Variants in VPS13A observed in about 807,000 individuals in gnomAD.
VPS13A encodes intermembrane lipid transfer protein VPS13A.
A neutral mutation model predicts 390.9 loss-of-function variants in VPS13A; 264 were observed. That is an observed-to-expected ratio of 0.68 (90% CI 0.61 to 0.75). The LOEUF is 0.75. Ranked by LOEUF, VPS13A falls within the 30% of genes least tolerant of loss-of-function variation. The pLI is 0.00. For missense variants in VPS13A, 3,409 were observed against 3,733.9 expected (o/e 0.91, Z 2.27); for synonymous variants, 1,231 against 1,227.1 (o/e 1.00, Z -0.07).
chr9:77,365,187 A>G (rs1832367562), intron 59 of VPS13A, among the ~76,000 whole-genome samples: 1 of 152,222 alleles, frequency 6.6e-6, no homozygotes, highest in South Asian at 2.1e-4. Flanking sequence ...GTATGGATTA[A>G]TGTCATTTTG....
At chr9:77,390,126 T>C (rs562811078) in intron 68 of VPS13A, 1 of 985,256 alleles carries the variant, frequency 1.0e-6, no homozygotes, top group African/African-American at 1.7e-5. Context: ...ACTTCCTGGC[T>C]TCATCTGAAA....
In VPS13A at chr9:77,316,289, A is replaced by T; in HGVS notation, c.4746A>T (p.Gln1582His). 6.2e-7 allele frequency: 1 copy of T among 1,613,342 alleles called. No individual in the cohort carries two copies. The highest frequency in any genetic ancestry group is 8.5e-7 in the Non-Finnish European group (1 of 1,179,444). The stretch of plus-strand genomic sequence containing the variant: ...CTCCTGCTTTAGTCATTACAACACA[A>T]TGTGAAATTTGCTATAAAGGTAACC... ...NDAPALVITT[Q>H]CEICYKGNLE... The change falls in exon 39 of 72, where the codon CAA becomes CAT. Residue 1582 changes from glutamine to histidine, a missense_variant. Physicochemically the swap from Gln to His is conservative, Grantham distance 24 (BLOSUM62 0). This residue lies in a region of VPS13A where 2,717 missense variants were observed against 2,917.4 expected (regional missense o/e 0.93). Transcript: ENST00000360280.
At chr9:77,396,787 G>A (rs1834136010) in intron 68 of VPS13A, among the ~76,000 whole-genome samples, 2 of 152,082 alleles carry the variant, frequency 1.3e-5, no homozygotes, top group South Asian at 4.1e-4. Context: ...TAAAATGGCA[G>A]TATTTACCAT....
At chr9:77,202,258 C>T (rs2183861) in intron 3 of VPS13A, among the ~76,000 whole-genome samples, 1 of 152,084 alleles carries the variant, frequency 6.6e-6, no homozygotes, top group Admixed American at 6.5e-5. Flanking sequence ...ATCCTCCCCA[C>T]TCCTACCTTT....
intron 2 of VPS13A, 62 bp downstream of exon 2, chr9:77,200,050 G>A (rs1483473021): frequency 1.5e-6 from 2 of 1,367,356 alleles, no homozygotes; most frequent in Non-Finnish European, 2.0e-6. Flanking sequence ...AATTCTTCCT[G>A]ATTCAGTTTG....
intron 52 of VPS13A, among the ~76,000 whole-genome samples, chr9:77,346,821 C>T (rs1831182785): frequency 6.6e-6 from 1 of 152,154 alleles, no homozygotes; most frequent in Admixed American, 6.5e-5. Flanking sequence ...AATCTGGAAA[C>T]AAAAGAGCTA....
chr9:77,257,582 G>A (rs1473839080), intron 22 of VPS13A, among the ~76,000 whole-genome samples: 1 of 152,052 alleles, frequency 6.6e-6, no homozygotes, highest in African/African-American at 2.4e-5. Flanking sequence ...GTAAGACCCT[G>A]TCTCTACAAT....
intron 67 of VPS13A, among the ~76,000 whole-genome samples, chr9:77,377,209 T>TTTTTTTTG: frequency 9.4e-6 from 1 of 105,950 alleles, no homozygotes; most frequent in Non-Finnish European, 2.0e-5. Flanking sequence ...TGCTGTTTTT[T>TTTTTTTTG]TTTTTTTTTT....
rs1400553402 is a variant in VPS13A, at chr9:77,238,118, T to C, written c.1712T>C (p.Ile571Thr). The C allele has an allele frequency of 6.2e-7, 1 of 1,613,778 alleles. No homozygotes were observed. Among genetic ancestry groups the C allele is most frequent in the African/African-American group, 1.3e-5 (1 of 75,032 alleles). ...TCACTTTTCCAAATTACATTTGAGA[T>C]AAATCCATTAGATGAAACTGTTTCT... ...AMSLFQITFE[I>T]NPLDETVSQR... Residue 571 changes from isoleucine to threonine, a missense_variant, in exon 18 of 72, where the codon ATA becomes ACA. Around this residue, in one of 5 missense-constraint regions of VPS13A, gnomAD observed 2,717 missense variants for 2,917.4 expected, o/e 0.93. Coordinates refer to ENST00000360280, the MANE Select transcript of VPS13A (RefSeq NM_033305.3).
At chr9:77,413,608 T>G (rs148785188) in intron 71 of VPS13A, among the ~76,000 whole-genome samples, 3,310 of 152,272 alleles carry the variant, frequency 0.022, 116 homozygotes, top group African/African-American at 0.076. Flanking sequence ...GATTAAAGAC[T>G]TAAATGTTAG....
At chr9:77,349,611 A>G (rs954952517) in intron 52 of VPS13A, among the ~76,000 whole-genome samples, 10 of 151,994 alleles carry the variant, frequency 6.6e-5, no homozygotes, top group Non-Finnish European at 1.3e-4. Context: ...CAACTTTTAT[A>G]ATTTTAGAAT....
At chr9:77,360,699 A>G (rs1365214446) in intron 59 of VPS13A, 58 bp downstream of exon 59, 2 of 1,329,234 alleles carry the variant, frequency 1.5e-6, no homozygotes, top group Non-Finnish European at 2.1e-6. Flanking sequence ...TATTATTATA[A>G]ATTTTTAAAG....
At chr9:77,296,673 T>G (rs2131378312) in intron 33 of VPS13A, among the ~76,000 whole-genome samples, 1 of 152,342 alleles carries the variant, frequency 6.6e-6, no homozygotes, top group East Asian at 1.9e-4. Flanking sequence ...TGCATATCTT[T>G]AATGTTATAC....
intron 68 of VPS13A, chr9:77,385,218 C>A (rs1181217479): frequency 2.3e-6 from 2 of 870,424 alleles, no homozygotes; most frequent in Admixed American, 6.2e-5. Context: ...GTTCTATCCC[C>A]AAATCATATA....
chr9:77,395,775 G>A (rs1007079624), intron 68 of VPS13A: 2 of 151,846 alleles, frequency 1.3e-5, no homozygotes, highest in Non-Finnish European at 2.9e-5. Context: ...GTCCTCTTTG[G>A]CAAGACAAAA....
intron 21 of VPS13A, 140 bp downstream of exon 21, chr9:77,250,369 C>G (rs1287646265): frequency 9.3e-7 from 1 of 1,075,760 alleles, no homozygotes; most frequent in African/African-American, 1.6e-5. Flanking sequence ...TATTGTCTAG[C>G]TGTTCTTACC....
intron 22 of VPS13A, among the ~76,000 whole-genome samples, chr9:77,253,568 G>A (rs1001483834): frequency 1.3e-5 from 2 of 152,142 alleles, no homozygotes; most frequent in East Asian, 3.9e-4. Flanking sequence ...GCCTCCCAAA[G>A]TGCTGGGATT....
intron 13 of VPS13A, among the ~76,000 whole-genome samples, chr9:77,222,795 A>G (rs1413310881): frequency 2.0e-5 from 3 of 152,164 alleles, no homozygotes; most frequent in Non-Finnish European, 4.4e-5. Flanking sequence ...TTAAGTTTAG[A>G]CTAAAGCTGC....
At chr9:77,210,556 A>G (rs991883080) in intron 6 of VPS13A, 60 bp from the exon 7 acceptor site, 3 of 1,541,522 alleles carry the variant, frequency 1.9e-6, no homozygotes, top group South Asian at 1.1e-5. Context: ...TTTTTTCTAT[A>G]AAGTGGATTT....
Sources: allele counts gnomAD v4.1 joint callset (sites outside exome capture counted in the v4.1 genomes callset), GRCh38; gene constraint gnomAD v4.1.1; regional missense constraint gnomAD v4.1.1; transcripts MANE v1.5; gene names NCBI Gene and HGNC (gene_info 2026-07-23, HGNC 2026-07-21).